Variants in KCNMA1 observed in about 807,000 individuals in gnomAD.
KCNMA1 encodes the protein potassium calcium-activated channel subfamily M alpha 1, also known as Calcium-activated potassium channel subunit alpha-1.
KCNMA1 carries 29 observed loss-of-function variants against 140.0 expected under a neutral mutation model. That is an observed-to-expected ratio of 0.21 (90% CI 0.15 to 0.28). The LOEUF (loss-of-function observed/expected upper bound fraction) is 0.28. Among genes scored for constraint, KCNMA1 ranks in the 10% least tolerant of loss-of-function variants. The pLI, the probability that KCNMA1 is intolerant of heterozygous loss-of-function variation, is 1.00. For synonymous variants in KCNMA1, 612 were observed against 611.9 expected (o/e 1.00, Z 0.00); for missense variants, 880 against 1,602.2 (o/e 0.55, Z 7.70).
chr10:77,196,937 C>G (rs749537052), intron 3 of KCNMA1, among the ~76,000 whole-genome samples: 1 of 151,872 alleles, frequency 6.6e-6, no homozygotes, highest in Admixed American at 6.6e-5. Context: ...TTATAAAAGT[C>G]CATTCTGAGA....
chr10:76,877,711 T>TA (rs568061212), downstream of KCNMA1: 2,134 of 1,546,962 alleles, frequency 1.4e-3, 6 homozygotes, highest in African/African-American at 5.1e-3. Context: ...TGTCAGGCTT[T>TA]AAAAAAATAG....
intron 3 of KCNMA1, among the ~76,000 whole-genome samples, chr10:77,232,684 T>C (rs2054000307): frequency 1.3e-5 from 2 of 152,336 alleles, no homozygotes; most frequent in Admixed American, 6.5e-5. Flanking sequence ...TTATCTACTT[T>C]TTCTTTTGTT....
Position 77,119,590 on chromosome 10 carries a change from G to A in KCNMA1, c.884+1383C>T, listed in dbSNP as rs201300215. 3.4e-4 allele frequency among the ~76,000 whole-genome samples: 52 copies of A among 152,276 alleles called. No individual in the cohort carries two copies. In the East Asian group the frequency reaches 9.8e-3, roughly 29 times the overall value. ...TTCATTGATCGTTTACATTTCAAAA[G>A]TAATATGATTCTAGCACATAGAAGA... On this transcript the variant is annotated intron_variant, in intron 6 of 27. Coordinates refer to ENST00000286628, the MANE Select transcript of KCNMA1 (RefSeq NM_001161352.2).
At position 77,212,647 on chromosome 10, in the gene KCNMA1, C is replaced by G. The variant is rs550119375; in HGVS notation, c.603-27731G>C. ...ATGAAATGCCAATTTGTTATATTCT[C>G]TCTCTCTCCTTCTCTCCCTCCCCTG... On this transcript the variant is annotated intron_variant, in intron 3 of 27. Transcript: ENST00000286628. Among the ~76,000 whole-genome samples, 14 of 152,090 alleles carry G rather than the reference C, an allele frequency of 9.2e-5. No individual in the cohort carries two copies. In the South Asian group the frequency reaches 2.3e-3, roughly 25 times the overall value.
intron 1 of KCNMA1, among the ~76,000 whole-genome samples, chr10:77,610,605 A>G (rs1435575074): frequency 6.6e-6 from 1 of 152,204 alleles, no homozygotes; most frequent in Non-Finnish European, 1.5e-5. Flanking sequence ...AGAAACTCCC[A>G]TTGGCTAAGT....
chr10:77,056,941 G>C (rs1193896770), intron 14 of KCNMA1, among the ~76,000 whole-genome samples: 6 of 152,130 alleles, frequency 3.9e-5, no homozygotes, highest in Non-Finnish European at 8.8e-5. Context: ...ATCAGAAAAA[G>C]ATTTAGCATT....
At chr10:77,570,593 A>AGGGGGGG (rs1416649381) in intron 1 of KCNMA1, among the ~76,000 whole-genome samples, 1 of 40,852 alleles carries the variant, frequency 2.4e-5, no homozygotes, top group Non-Finnish European at 4.5e-5. Flanking sequence ...GTTGTGGGGT[A>AGGGGGGG]GGGGGAGGGG....
intron 1 of KCNMA1, among the ~76,000 whole-genome samples, chr10:77,589,861 C>G (rs182930234): frequency 2.0e-5 from 3 of 152,190 alleles, no homozygotes; most frequent in African/African-American, 7.2e-5. Context: ...TGGAAGGGGA[C>G]CCGGGTTGCC....
chr10:77,271,231 T>C (rs1239686886), intron 2 of KCNMA1, among the ~76,000 whole-genome samples: 1 of 152,238 alleles, frequency 6.6e-6, no homozygotes, highest in Non-Finnish European at 1.5e-5. Context: ...TTGCACTGGC[T>C]ACACTGAAGT....
At chr10:77,495,892 C>A (rs1467536600) in intron 1 of KCNMA1, among the ~76,000 whole-genome samples, 1 of 152,182 alleles carries the variant, frequency 6.6e-6, no homozygotes, top group Non-Finnish European at 1.5e-5. Flanking sequence ...CCCCGCGGTT[C>A]CTCCCTGTAG....
intron 6 of KCNMA1, among the ~76,000 whole-genome samples, chr10:77,115,694 A>T (rs2097443293): frequency 1.3e-5 from 2 of 152,182 alleles, no homozygotes; most frequent in South Asian, 4.1e-4. Context: ...ACTCTAAATG[A>T]TGGTTACAGT....
chr10:77,534,392 G>C (rs529149876), intron 1 of KCNMA1, among the ~76,000 whole-genome samples: 1 of 152,264 alleles, frequency 6.6e-6, no homozygotes, highest in South Asian at 2.1e-4. Context: ...TAAAGAAGTT[G>C]AAATAATTTA....
intron 1 of KCNMA1, among the ~76,000 whole-genome samples, chr10:77,608,453 C>G (rs1324643567): frequency 2.0e-5 from 3 of 152,198 alleles, no homozygotes; most frequent in Non-Finnish European, 2.9e-5. Context: ...GGGTTACAGT[C>G]ATGAGTCACC....
intron 2 of KCNMA1, among the ~76,000 whole-genome samples, chr10:77,382,994 G>GTGTGTGTGTGTGTA (rs1491457588): frequency 1.9e-3 from 90 of 46,408 alleles, no homozygotes; most frequent in Middle Eastern, 0.012. Context: ...GTGTGTGTGT[G>GTGTGTGTGTGTGTA]TATATATATA....
At chr10:77,529,223 T>A (rs1242378603) in intron 1 of KCNMA1, among the ~76,000 whole-genome samples, 1 of 139,202 alleles carries the variant, frequency 7.2e-6, no homozygotes, top group African/African-American at 2.8e-5. Context: ...ACTGTGTTCC[T>A]GCCCTCCCCT....
At chr10:77,178,632 G>A (rs1355022526) in intron 5 of KCNMA1, among the ~76,000 whole-genome samples, 1 of 152,118 alleles carries the variant, frequency 6.6e-6, no homozygotes, top group Non-Finnish European at 1.5e-5. Flanking sequence ...TTGAACCCAG[G>A]AGGCAGAGGT....
intron 1 of KCNMA1, among the ~76,000 whole-genome samples, chr10:77,603,248 G>A (rs942161682): frequency 5.3e-5 from 8 of 152,124 alleles, no homozygotes; most frequent in African/African-American, 1.9e-4. Flanking sequence ...TAATGCCAGC[G>A]TTCGCAGGAC....
chr10:77,050,259 C>A, intron 14 of KCNMA1, among the ~76,000 whole-genome samples: 2 of 146,272 alleles, frequency 1.4e-5, no homozygotes, highest in African/African-American at 2.6e-5. Flanking sequence ...GAGGCCAAAA[C>A]AACTTGATCT....
chr10:77,136,369 A>C (rs1564751365), intron 5 of KCNMA1, among the ~76,000 whole-genome samples: 1 of 152,204 alleles, frequency 6.6e-6, no homozygotes. Context: ...AGAATGTCGA[A>C]ATTAAAATAG....
Sources: allele counts gnomAD v4.1 joint callset (sites outside exome capture counted in the v4.1 genomes callset), GRCh38; gene constraint gnomAD v4.1.1; transcripts MANE v1.5; gene names NCBI Gene and HGNC (gene_info 2026-07-23, HGNC 2026-07-21).